The following SPATA7 variants were observed in gnomAD, a reference collection of about 807,000 sequenced individuals.
The protein encoded by SPATA7 is spermatogenesis-associated protein 7.
Under a neutral mutation model 51.8 loss-of-function variants are expected in SPATA7, and 43 were observed. The ratio of observed to expected loss-of-function variants is 0.83; its 90% CI spans 0.65 to 1.07. SPATA7 has a LOEUF of 1.07. Ranked by LOEUF, SPATA7 falls within the 50% of genes least tolerant of loss-of-function variation. The pLI, the probability that SPATA7 is intolerant of heterozygous loss-of-function variation, is 0.00. For synonymous variants in SPATA7, 230 were observed against 252.8 expected (o/e 0.91, Z 0.86); for missense variants, 683 against 701.3 (o/e 0.97, Z 0.30).
downstream of SPATA7, among the ~76,000 whole-genome samples, chr14:88,459,890 G>A (rs61975266): frequency 1.2e-4 from 18 of 152,152 alleles, no homozygotes; most frequent in Non-Finnish European, 2.5e-4. Context: ...TCTTTCAGGA[G>A]CTCTTGTAGA....
exon 5 of SPATA7, chr14:88,470,264 T>C (rs1047432254): frequency 5.3e-6 from 3 of 570,872 alleles, no homozygotes; most frequent in Admixed American, 3.1e-5. Context: ...ACTTAGGTAC[T>C]GTGAATATAC....
At chr14:88,436,982 A>T (rs1354283974) in intron 10 of SPATA7, among the ~76,000 whole-genome samples, 1 of 151,144 alleles carries the variant, frequency 6.6e-6, no homozygotes, top group African/African-American at 2.4e-5. Flanking sequence ...GTATTTTGAT[A>T]GGGATTGCAT....
chr14:88,414,147 T>C (rs1366412059), intron 4 of SPATA7, among the ~76,000 whole-genome samples: 1 of 152,136 alleles, frequency 6.6e-6, no homozygotes, highest in African/African-American at 2.4e-5. Context: ...TACCAACTAT[T>C]GGTATGTCTG....
intron 4 of SPATA7, chr14:88,467,294 C>G (rs1189867074): frequency 6.6e-6 from 1 of 152,156 alleles, no homozygotes; most frequent in Admixed American, 6.5e-5. Context: ...GTGCTTAAAA[C>G]CACCCTAGGC....
intron 6 of SPATA7, 152 bp from the exon 7 acceptor site, chr14:88,427,478 A>G: frequency 1.7e-6 from 1 of 595,716 alleles, no homozygotes; most frequent in South Asian, 2.2e-5. Context: ...CAGATATTTA[A>G]TCAAATAAAA....
rs2274737 is a variant in SPATA7, at chr14:88,469,307, A to G, written c.255-540A>G. On this transcript the variant is annotated intron_variant, in intron 4 of 4. Transcript: ENST00000556406. This position sits in a 1 kb window ranked among gnomAD's most constrained non-coding sequence, Gnocchi z 4.3. ...ACGGAGATACTGAGTCAGCTGTGGCATTCTACTCACTACCAAATCATAATT... is the reference window on the plus strand; with the variant it reads ...ACGGAGATACTGAGTCAGCTGTGGCGTTCTACTCACTACCAAATCATAATT... Among the ~76,000 whole-genome samples the G allele has an allele frequency of 0.24, 35,867 of 152,086 alleles. 4,383 individuals are homozygous for G. The highest frequency in any genetic ancestry group is 0.31 in the East Asian group (1,613 of 5,160).
At chr14:88,456,881 C>G (rs1318048031), downstream of SPATA7, among the ~76,000 whole-genome samples, 2 of 152,062 alleles carry the variant, frequency 1.3e-5, no homozygotes, top group East Asian at 3.8e-4. Flanking sequence ...GTCTTTAGTC[C>G]ATCTTGAATT....
intron 3 of SPATA7, among the ~76,000 whole-genome samples, chr14:88,454,458 G>A (rs2077271061): frequency 1.3e-5 from 2 of 152,108 alleles, no homozygotes. Context: ...GGACATATCT[G>A]GGGAGCTGCT....
intron 3 of SPATA7, among the ~76,000 whole-genome samples, chr14:88,444,984 A>G (rs1454491978): frequency 2.0e-5 from 3 of 152,012 alleles, no homozygotes; most frequent in South Asian, 4.1e-4. Flanking sequence ...TTTTGGTTCC[A>G]TATGAACTTT....
At position 88,431,245 on chromosome 14, in the gene SPATA7, T is replaced by G. The variant is rs1327012564; in HGVS notation, c.1082+20T>G. ...CTCTGAGTAAGATCTTTTTTAAGTC[T>G]TCGTTTTGCATAGTGGAATCAAGGA... is the stretch of plus-strand genomic sequence containing the variant. On this transcript the variant is annotated intron_variant, in intron 9 of 11. Coordinates refer to ENST00000393545, the MANE Select transcript of SPATA7 (RefSeq NM_018418.5). 1 of 1,606,652 alleles carries G rather than the reference T, an allele frequency of 6.2e-7. No homozygotes were observed. The highest frequency in any genetic ancestry group is 8.5e-7 in the Non-Finnish European group (1 of 1,173,538).
intron 4 of SPATA7, among the ~76,000 whole-genome samples, chr14:88,403,472 A>C (rs1244986368): frequency 6.6e-6 from 1 of 152,162 alleles, no homozygotes; most frequent in Non-Finnish European, 1.5e-5. Context: ...ATAAAGAAAT[A>C]CTACACACAC....
At chr14:88,417,985 A>T (rs771892487) in intron 5 of SPATA7, among the ~76,000 whole-genome samples, 8 of 152,304 alleles carry the variant, frequency 5.3e-5, no homozygotes, top group Non-Finnish European at 7.4e-5. Flanking sequence ...CAATTTTTTA[A>T]GTCATTATAG....
chr14:88,398,482 G>T (rs989075780), intron 4 of SPATA7, among the ~76,000 whole-genome samples: 4 of 118,496 alleles, frequency 3.4e-5, no homozygotes, highest in Non-Finnish European at 6.8e-5. Flanking sequence ...ACTGTTGTGG[G>T]GTGGGGGGAG....
chr14:88,448,807 G>A (rs2077231892), intron 3 of SPATA7, among the ~76,000 whole-genome samples: 1 of 152,042 alleles, frequency 6.6e-6, no homozygotes. Context: ...GGGGGTCAGG[G>A]GTCAGGGACC....
chr14:88,438,639 T>A (rs2077156290), downstream of SPATA7, among the ~76,000 whole-genome samples: 1 of 152,220 alleles, frequency 6.6e-6, no homozygotes, highest in Admixed American at 6.5e-5. Flanking sequence ...GTCCTGGGTC[T>A]CACAAGGCTA....
intron 4 of SPATA7, among the ~76,000 whole-genome samples, chr14:88,399,509 G>C (rs1357630653): frequency 6.6e-6 from 1 of 152,190 alleles, no homozygotes; most frequent in African/African-American, 2.4e-5. Flanking sequence ...TTTTACCTCT[G>C]ACCTTCCTTT....
downstream of SPATA7, among the ~76,000 whole-genome samples, chr14:88,441,772 A>G (rs1396916654): frequency 2.0e-5 from 3 of 152,084 alleles, no homozygotes; most frequent in Non-Finnish European, 4.4e-5. Flanking sequence ...ATAGATTGCA[A>G]AGATTTTCTT....
downstream of SPATA7, among the ~76,000 whole-genome samples, chr14:88,455,687 T>C (rs2077279480): frequency 6.6e-6 from 1 of 152,182 alleles, no homozygotes; most frequent in East Asian, 1.9e-4. Flanking sequence ...TTTAGTATTT[T>C]ACATGAATAA....
intron 10 of SPATA7, among the ~76,000 whole-genome samples, chr14:88,437,196 G>A (rs897292988): frequency 2.7e-5 from 4 of 150,636 alleles, no homozygotes; most frequent in Non-Finnish European, 5.9e-5. Context: ...TTTTCTTTAG[G>A]GTTTGGTTGT....
Sources: allele counts gnomAD v4.1 joint callset (sites outside exome capture counted in the v4.1 genomes callset), GRCh38; gene constraint gnomAD v4.1.1; non-coding constraint Gnocchi (gnomAD v3.1); transcripts MANE v1.5; gene names NCBI Gene and HGNC (gene_info 2026-07-23, HGNC 2026-07-21).